The following PPP2R2B variants were observed in gnomAD, a reference collection of about 807,000 sequenced individuals.
PPP2R2B encodes the protein serine/threonine-protein phosphatase 2A 55 kDa regulatory subunit B beta isoform.
Under a neutral mutation model 46.0 loss-of-function variants are expected in PPP2R2B, and 5 were observed. That is an observed-to-expected ratio of 0.11 (90% CI 0.06 to 0.23). The LOEUF (loss-of-function observed/expected upper bound fraction) is 0.23, where lower values mean the gene tolerates loss of function less well. Ranked by LOEUF, PPP2R2B falls within the 10% of genes least tolerant of loss-of-function variation. PPP2R2B has a pLI of 1.00. For missense variants in PPP2R2B, 367 were observed against 575.0 expected, an observed-to-expected ratio of 0.64 and a Z score of 3.70; for synonymous variants, 215 against 206.7, an observed-to-expected ratio of 1.04 and a Z score of -0.34.
intron 2 of PPP2R2B, among the ~76,000 whole-genome samples, chr5:146,822,137 A>C (rs1038462160): frequency 1.3e-5 from 2 of 152,234 alleles, no homozygotes; most frequent in Non-Finnish European, 2.9e-5. Context: ...CTTATTTTAC[A>C]AGAAAAGAAA....
chr5:146,729,561 C>T (rs1752102163), intron 2 of PPP2R2B, among the ~76,000 whole-genome samples: 1 of 152,166 alleles, frequency 6.6e-6, no homozygotes, highest in East Asian at 1.9e-4. Flanking sequence ...CCCAGAGGCC[C>T]AGGGGGAAAA....
At chr5:146,671,441 C>A (rs967312745) in intron 5 of PPP2R2B, among the ~76,000 whole-genome samples, 1 of 152,142 alleles carries the variant, frequency 6.6e-6, no homozygotes, top group Non-Finnish European at 1.5e-5. Flanking sequence ...ACACTGAAGG[C>A]CTCTGTCTCT....
chr5:146,623,166 C>A (rs141470967), intron 7 of PPP2R2B, among the ~76,000 whole-genome samples: 14 of 152,130 alleles, frequency 9.2e-5, no homozygotes, highest in Non-Finnish European at 1.5e-5. Context: ...CACAGTGACA[C>A]GAACACAAAA....
At chr5:146,682,538 G>A (rs1778246114) in intron 5 of PPP2R2B, among the ~76,000 whole-genome samples, 3 of 152,164 alleles carry the variant, frequency 2.0e-5, no homozygotes, top group Admixed American at 2.0e-4. Flanking sequence ...ATAGACATGA[G>A]CATGTCACTA....
intron 2 of PPP2R2B, among the ~76,000 whole-genome samples, chr5:146,815,769 T>C (rs534569486): frequency 6.6e-6 from 1 of 152,198 alleles, no homozygotes; most frequent in Non-Finnish European, 1.5e-5. Flanking sequence ...AATTATATTC[T>C]TTACAAATGC....
intron 2 of PPP2R2B, among the ~76,000 whole-genome samples, chr5:147,064,983 G>A (rs760430841): frequency 1.2e-4 from 19 of 152,120 alleles, no homozygotes; most frequent in Non-Finnish European, 2.4e-4. Context: ...ACTTAATCAT[G>A]CATTTATTCA....
In PPP2R2B at chr5:146,962,354, G is replaced by A. The variant is rs192258937; in HGVS notation, c.79+93311C>T. The stretch of plus-strand genomic sequence containing the variant: ...AGAGAGAGAGAAAGAGAATGTGTGT[G>A]CATTAAAACCAGACAAGGAAGCGGC... On this transcript the variant is annotated intron_variant, in intron 1 of 8. Coordinates refer to the PPP2R2B transcript ENST00000336640. 5.3e-4 allele frequency among the ~76,000 whole-genome samples: 81 copies of A among 151,790 alleles called. 1 individual carries two copies. The highest frequency in any genetic ancestry group is 2.0e-3 in the African/African-American group (81 of 41,404).
intron 2 of PPP2R2B, among the ~76,000 whole-genome samples, chr5:146,767,844 T>C (rs892017029): frequency 6.6e-6 from 1 of 152,176 alleles, no homozygotes; most frequent in African/African-American, 2.4e-5. Context: ...TATAGAATCA[T>C]ATACAGTAGT....
chr5:147,045,555 G>A (rs969641056), intron 1 of PPP2R2B, among the ~76,000 whole-genome samples: 4 of 152,158 alleles, frequency 2.6e-5, no homozygotes, highest in Admixed American at 1.3e-4. Flanking sequence ...ATCATTAAGC[G>A]ATGCATGACT....
chr5:146,680,669 AG>A (rs1219016709), intron 5 of PPP2R2B, among the ~76,000 whole-genome samples: 4 of 152,300 alleles, frequency 2.6e-5, no homozygotes, highest in Non-Finnish European at 2.9e-5. Context: ...CTTGAGCCAG[AG>A]ACATTTGTGT....
At position 146,720,189 on chromosome 5, in the gene PPP2R2B, C is replaced by T. The variant is rs1001786422; in HGVS notation, c.71-19047G>A. 3.3e-5 allele frequency among the ~76,000 whole-genome samples: 5 copies of T among 152,214 alleles called. No individual in the cohort carries two copies. The East Asian group carries it at 9.6e-4, about 29-fold the overall frequency. On this transcript the variant is annotated intron_variant, in intron 2 of 9. Transcript: ENST00000394411. ...GCATGCAAGGTAGCAACACCTTTATCCACACAACGTTAGGTCATTTGTCAG... is the reference window on the plus strand; with the variant it reads ...GCATGCAAGGTAGCAACACCTTTATTCACACAACGTTAGGTCATTTGTCAG...
intron 1 of PPP2R2B, among the ~76,000 whole-genome samples, chr5:146,926,215 A>G (rs1218496826): frequency 6.6e-6 from 1 of 152,068 alleles, no homozygotes; most frequent in East Asian, 1.9e-4. Flanking sequence ...CATTTAAGAT[A>G]ACACATTGCA....
chr5:146,944,748 C>T (rs761300165), intron 1 of PPP2R2B, among the ~76,000 whole-genome samples: 2 of 152,066 alleles, frequency 1.3e-5, no homozygotes, highest in African/African-American at 2.4e-5. Context: ...GCCCTTCCTC[C>T]ACCCTTGGTA....
At chr5:147,025,097 G>T (rs72827249) in intron 1 of PPP2R2B, among the ~76,000 whole-genome samples, 3,140 of 151,986 alleles carry the variant, frequency 0.021, 43 homozygotes, top group Non-Finnish European at 0.03. Flanking sequence ...TGACAGAAGG[G>T]ATCTCATTAT....
rs970597820 is a variant in PPP2R2B at position 146,589,207 on chromosome 5, G to T, written c.*740C>A. 6.6e-6 allele frequency: 1 copy of T among 152,264 alleles called. No homozygotes were observed. The highest frequency in any genetic ancestry group is 2.1e-4 in the South Asian group (1 of 4,832). 9.4% of individuals were successfully genotyped at this position (152,264 alleles called of 1,614,324 possible). ...AAGGCAGCAGATGGAATTTGGCCCC[G>T]CCTGGCCCTGCCAAGCTCACTCTGG... is the stretch of plus-strand genomic sequence containing the variant. On this transcript the variant is annotated 3_prime_UTR_variant, in exon 10 of 10. Coordinates refer to ENST00000394411, the MANE Select transcript of PPP2R2B (RefSeq NM_181675.4).
chr5:146,911,876 T>A (rs536356651), intron 1 of PPP2R2B, among the ~76,000 whole-genome samples: 4 of 152,226 alleles, frequency 2.6e-5, no homozygotes, highest in African/African-American at 9.6e-5. Context: ...CTTAGGGTTT[T>A]TTCAGCACAG....
chr5:146,858,511 C>T (rs1393720060), intron 2 of PPP2R2B, among the ~76,000 whole-genome samples: 1 of 152,024 alleles, frequency 6.6e-6, no homozygotes, highest in Non-Finnish European at 1.5e-5. Flanking sequence ...AGTAATGAGC[C>T]CATCTTCTTA....
At chr5:146,594,819 G>A (rs144512231) in intron 8 of PPP2R2B, among the ~76,000 whole-genome samples, 1 of 152,178 alleles carries the variant, frequency 6.6e-6, no homozygotes, top group African/African-American at 2.4e-5. Context: ...GGCTGAGAGA[G>A]AAGGAGATAG....
intron 2 of PPP2R2B, among the ~76,000 whole-genome samples, chr5:146,838,479 G>C (rs1414946779): frequency 6.6e-6 from 1 of 151,268 alleles, no homozygotes; most frequent in Admixed American, 6.6e-5. Context: ...GCTGAGGCAG[G>C]AGAATCACTT....
Sources: gnomAD v4.1 joint callset for allele counts (sites outside exome capture counted in the v4.1 genomes callset) on GRCh38, gnomAD v4.1.1 for gene constraint, MANE v1.5 for transcripts, NCBI Gene and HGNC (gene_info 2026-07-23, HGNC 2026-07-21) for gene names.